PCLO: variants seen among roughly 807,000 people sequenced by gnomAD.
PCLO encodes protein piccolo.
Under a neutral mutation model 427.5 loss-of-function variants are expected in PCLO, and 82 were observed. The ratio of observed to expected loss-of-function variants is 0.19; its 90% confidence interval spans 0.16 to 0.23. PCLO has a LOEUF of 0.23. Among genes scored for constraint, PCLO ranks in the 10% least tolerant of loss-of-function variants. The pLI, the probability that PCLO is intolerant of heterozygous loss-of-function variation, is 1.00. For synonymous variants in PCLO, 2,357 were observed against 2,155.4 expected, an observed-to-expected ratio of 1.09 and a Z score of -2.59; for missense variants, 6,239 against 6,115.9, an observed-to-expected ratio of 1.02 and a Z score of -0.67.
intron 6 of PCLO, among the ~76,000 whole-genome samples, chr7:82,923,209 G>A (rs1172936767): frequency 6.6e-6 from 1 of 151,910 alleles, no homozygotes; most frequent in Admixed American, 6.6e-5. Context: ...AGAATGGATG[G>A]TATTTAAACA....
chr7:82,868,959 G>A (rs1165116907), intron 10 of PCLO, among the ~76,000 whole-genome samples: 2 of 152,120 alleles, frequency 1.3e-5, no homozygotes, highest in South Asian at 4.1e-4. Context: ...ATGATATTTA[G>A]TCCTTGTGGA....
Position 82,915,313 on chromosome 7 carries a change from A to C in PCLO, c.12673T>G (p.Ser4225Ala), listed in dbSNP as rs760968730. 1 of 1,613,634 alleles carries C rather than the reference A, an allele frequency of 6.2e-7. No individual in the cohort carries two copies. Among genetic ancestry groups the C allele is most frequent in the East Asian group, 2.2e-5 (1 of 44,770 alleles). Residue 4225 changes from serine (S) to alanine (A), a missense_variant, in exon 7 of 25, where the codon TCA (serine) becomes GCA (alanine). Ser to Ala is a moderately conservative substitution (Grantham distance 99). Around this residue, in one of 5 missense-constraint regions of PCLO, gnomAD observed 680 missense variants for 677.3 expected, o/e 1.00. Coordinates refer to ENST00000333891, the MANE Select transcript of PCLO (RefSeq NM_033026.6). ...CTGGAGGAAATGCCACCAATAGATGAAGTGCTAGAAGTCATATAGCTTGAA... is the reference window on the plus strand; with the variant it reads ...CTGGAGGAAATGCCACCAATAGATGCAGTGCTAGAAGTCATATAGCTTGAA... Reference protein sequence around the residue: ...DYSSYMTSSTSSIGGISSRAR... With the variant: ...DYSSYMTSSTASIGGISSRAR...
Position 83,071,645 on chromosome 7 carries a change from C to T in PCLO, c.3300+62605G>A, listed in dbSNP as rs145835840. 9.5e-4 allele frequency among the ~76,000 whole-genome samples: 144 copies of T among 152,238 alleles called. 1 individual carries two copies. The highest frequency in any genetic ancestry group is 3.0e-3 in the African/African-American group (124 of 41,556). ...TTTTTAATTAGACAATAATCAAATG[C>T]TGTCACTAATAATACATCATGAATC... On this transcript the variant is annotated intron_variant, in intron 3 of 24. Transcript: ENST00000333891.
At chr7:83,086,117 CT>C (rs71074614) in intron 3 of PCLO, among the ~76,000 whole-genome samples, 72,706 of 148,608 alleles carry the variant, frequency 0.49, 17,755 homozygotes, top group African/African-American at 0.51. Context: ...CTTTTTTTTT[CT>C]TTTTTTTTTG....
chr7:83,157,865 A>G (rs1016720587), intron 1 of PCLO, among the ~76,000 whole-genome samples: 1 of 152,038 alleles, frequency 6.6e-6, no homozygotes, highest in Non-Finnish European at 1.5e-5. Context: ...ATAATATCAG[A>G]ATAAAGATTT....
At position 83,093,638 on chromosome 7, in the gene PCLO, G is replaced by A. The variant is rs201692763; in HGVS notation, c.3300+40612C>T. ...CTCCCGAGTAGCTGGGACTACAGGC[G>A]CCCGCTACCACACCCGGCTAATTTT... On this transcript the variant is annotated intron_variant, in intron 3 of 24. Transcript: ENST00000333891. 4.5e-4 allele frequency among the ~76,000 whole-genome samples: 67 copies of A among 148,122 alleles called. No individual in the cohort carries two copies. The East Asian group carries it at 0.013, about 28-fold the overall frequency.
intron 3 of PCLO, among the ~76,000 whole-genome samples, chr7:83,045,447 C>T (rs536149892): frequency 1.3e-5 from 2 of 152,234 alleles, no homozygotes; most frequent in East Asian, 3.9e-4. Flanking sequence ...CCAAGACTTC[C>T]TTAATCTGCC....
chr7:82,975,602 AG>A (rs1471532964), intron 3 of PCLO, among the ~76,000 whole-genome samples: 1 of 152,200 alleles, frequency 6.6e-6, no homozygotes, highest in Non-Finnish European at 1.5e-5. Context: ...TCGATTCTGC[AG>A]GGTGTAAACT....
At chr7:83,145,263 T>C (rs1285493621) in intron 2 of PCLO, among the ~76,000 whole-genome samples, 1 of 152,150 alleles carries the variant, frequency 6.6e-6, no homozygotes, top group African/African-American at 2.4e-5. Flanking sequence ...GAAGTATGAA[T>C]CAATGTAAGT....
At chr7:83,050,122 A>G (rs545745658) in intron 3 of PCLO, among the ~76,000 whole-genome samples, 218 of 139,010 alleles carry the variant, frequency 1.6e-3, no homozygotes, top group Admixed American at 4.7e-3. Context: ...TTGAGTCTTT[A>G]GGTGAGGCAA....
Position 82,846,607 on chromosome 7 carries a change from T to C in PCLO, c.13791A>G (p.Glu4597=). 1.9e-6 allele frequency: 3 copies of C among 1,608,430 alleles called. No individual in the cohort carries two copies. The highest frequency in any genetic ancestry group is 2.5e-6 in the Non-Finnish European group (3 of 1,176,880). The stretch of plus-strand genomic sequence containing the variant: ...CATGAAGTTCCAGATGCTGGGAATT[T>C]TCAGAATCTGATAGCATATTGAGGT... ...RLDLNMLSDS[E]NSQHLELHEP... Residue 4597 remains glutamate, a synonymous_variant, in exon 12 of 25, where the codon GAA becomes GAG. Transcript: ENST00000333891.
chr7:82,929,077 C>G (rs573106735), intron 6 of PCLO, among the ~76,000 whole-genome samples: 2 of 152,030 alleles, frequency 1.3e-5, no homozygotes, highest in South Asian at 2.1e-4. Context: ...TAGTAAGAAA[C>G]AGTCTAAGGG....
intron 3 of PCLO, among the ~76,000 whole-genome samples, chr7:83,109,072 G>A (rs1790938246): frequency 1.3e-5 from 2 of 151,766 alleles, no homozygotes; most frequent in Non-Finnish European, 1.5e-5. Flanking sequence ...TTTCTCTTTT[G>A]GCCTCCTCCT....
At chr7:83,065,213 A>G (rs1789638048) in intron 3 of PCLO, among the ~76,000 whole-genome samples, 1 of 152,000 alleles carries the variant, frequency 6.6e-6, no homozygotes, top group Non-Finnish European at 1.5e-5. Flanking sequence ...CAGTCAGCTC[A>G]GTATGTTCTT....
rs566457960 is a variant in PCLO, at chr7:82,950,247, C to T, written c.10341G>A (p.Thr3447=). Residue 3447 remains threonine (T), a synonymous_variant, in exon 6 of 25, where the codon ACG becomes ACA. Coordinates refer to ENST00000333891, the MANE Select transcript of PCLO (RefSeq NM_033026.6). ...FKKIVDSGVQ[T]DDEDATDRSY... ...TCCGATCTGTGGCATCTTCGTCATC[C>T]GTTTGTACACCACTGTCCACTATCT... The T allele has an allele frequency of 8.1e-6, 13 of 1,612,998 alleles. No homozygotes were observed. Among genetic ancestry groups the T allele is most frequent in the African/African-American group, 6.7e-5 (5 of 74,680 alleles).
At chr7:83,035,678 G>T (rs893223012) in intron 3 of PCLO, among the ~76,000 whole-genome samples, 1 of 151,766 alleles carries the variant, frequency 6.6e-6, no homozygotes, top group African/African-American at 2.4e-5. Flanking sequence ...CATCTTTGAC[G>T]CGTTTATTTT....
At chr7:83,080,342 T>C (rs975362500) in intron 3 of PCLO, among the ~76,000 whole-genome samples, 2 of 152,134 alleles carry the variant, frequency 1.3e-5, no homozygotes, top group Non-Finnish European at 2.9e-5. Flanking sequence ...CCACTAACAG[T>C]GTAAAAGCAT....
At chr7:83,106,435 G>A (rs10264030) in intron 3 of PCLO, among the ~76,000 whole-genome samples, 89,738 of 152,012 alleles carry the variant, frequency 0.59, 27,306 homozygotes, top group African/African-American at 0.73. Context: ...CCACTCTGGC[G>A]AAGTAAATAC....
chr7:83,138,003 C>G (rs1791769978), intron 2 of PCLO, among the ~76,000 whole-genome samples: 1 of 152,108 alleles, frequency 6.6e-6, no homozygotes, highest in South Asian at 2.1e-4. Flanking sequence ...TCACTCATAT[C>G]CCCTATTATC....
Sources: allele counts gnomAD v4.1 joint callset (sites outside exome capture counted in the v4.1 genomes callset), GRCh38; gene constraint gnomAD v4.1.1; regional missense constraint gnomAD v4.1.1; transcripts MANE v1.5; gene names NCBI Gene and HGNC (gene_info 2026-07-23, HGNC 2026-07-21).